Variants in DCAF6 observed in about 807,000 individuals in gnomAD.
The protein encoded by DCAF6 is DDB1- and CUL4-associated factor 6.
A neutral mutation model predicts 125.1 loss-of-function variants in DCAF6; 54 were observed. That is an observed-to-expected ratio of 0.43 (90% CI 0.35 to 0.54). The LOEUF is 0.54. Ranked by LOEUF, DCAF6 falls within the 20% of genes least tolerant of loss-of-function variation. The probability of loss-of-function intolerance (pLI) is 0.01; values close to 1 mark genes in which losing one functional copy is unlikely to be tolerated. For missense variants in DCAF6, 934 were observed against 1,161.7 expected (o/e 0.80, Z 2.85); for synonymous variants, 371 against 390.4 (o/e 0.95, Z 0.58).
In DCAF6 at chr1:168,004,841, A is replaced by G; in HGVS notation, c.1378+48A>G. On this transcript the variant is annotated intron_variant, in intron 10 of 21. Coordinates refer to ENST00000367840, the MANE Select transcript of DCAF6 (RefSeq NM_001198956.2). Reference sequence around the variant, plus strand: ...TCATCTAATGATTTTTGATAGTGAAAATTTCTTTACTGGCTATTTTGAAAG... The same window carrying G: ...TCATCTAATGATTTTTGATAGTGAAGATTTCTTTACTGGCTATTTTGAAAG... The G allele has an allele frequency of 3.2e-6, 5 of 1,577,622 alleles. No individual in the cohort carries two copies. The South Asian group carries it at 4.7e-5, about 15-fold the overall frequency.
At chr1:167,874,660 T>C in the DCAF6 span, among the ~76,000 whole-genome samples, 1 of 152,162 alleles carries the variant, frequency 6.6e-6, no homozygotes, top group Non-Finnish European at 1.5e-5. Context: ...AAAAGACTTG[T>C]GTAAGAATGT....
chr1:168,037,158 G>T (rs1572043258), intron 12 of DCAF6, among the ~76,000 whole-genome samples: 1 of 136,194 alleles, frequency 7.3e-6, no homozygotes, highest in East Asian at 2.2e-4. Flanking sequence ...TCGAACTCCT[G>T]GGCTTAAGGG....
intron 3 of DCAF6, among the ~76,000 whole-genome samples, chr1:167,972,617 T>C (rs1232306966): frequency 6.6e-6 from 1 of 152,124 alleles, no homozygotes; most frequent in South Asian, 2.1e-4. Context: ...GATAATGACA[T>C]TGGAGTTGGT....
the DCAF6 span, among the ~76,000 whole-genome samples, chr1:167,881,475 A>G: frequency 2.0e-5 from 3 of 152,224 alleles, no homozygotes; most frequent in South Asian, 2.1e-4. Flanking sequence ...ATCTGCCTTG[A>G]CATGAAGGGG....
chr1:167,959,870 A>G lies in DCAF6; in HGVS notation c.160-6759A>G, dbSNP rs139268768. Among the ~76,000 whole-genome samples, 80 of 152,230 alleles carry G rather than the reference A, an allele frequency of 5.3e-4. No individual in the cohort carries two copies. The East Asian group carries it at 0.014, about 27-fold the overall frequency. On this transcript the variant is annotated intron_variant, in intron 2 of 21. Coordinates refer to ENST00000367840, the MANE Select transcript of DCAF6 (RefSeq NM_001198956.2). ...GGAAGTTTTTAATTTTAATGAAGTC[A>G]GTCTTATCAATGATTTCTTTTATGG...
Position 167,936,850 on chromosome 1 carries a change from C to T in DCAF6, c.-62C>T. On this transcript the variant is annotated 5_prime_UTR_variant, in exon 1 of 22. Transcript: ENST00000367840. ...CGGCTCGGGTGTTGAAACGGGTGTC[C>T]CCTCCCCCTCCTCCCCTCCCCCACG... The T allele has an allele frequency of 2.2e-6, 3 of 1,370,554 alleles. No individual in the cohort carries two copies. The highest frequency in any genetic ancestry group is 3.0e-6 in the Non-Finnish European group (3 of 987,064). The allele number at this position is 1,370,554 out of a possible 1,614,324, so 84.9% of individuals were successfully genotyped here. A position where few individuals can be genotyped will look rare whatever the true frequency, so the allele number is the denominator to read the frequency against.
intron 21 of DCAF6, among the ~76,000 whole-genome samples, chr1:168,073,202 A>C (rs776298525): frequency 5.9e-5 from 9 of 151,928 alleles, no homozygotes; most frequent in Non-Finnish European, 8.8e-5. Flanking sequence ...AAAGAAAAAC[A>C]GTATACATAG....
intron 2 of DCAF6, among the ~76,000 whole-genome samples, chr1:167,962,434 T>TAG (rs1675757282): frequency 6.6e-6 from 1 of 152,100 alleles, no homozygotes; most frequent in South Asian, 2.1e-4. Context: ...CTGACCTCTT[T>TAG]ATCGTTATGA....
At chr1:167,885,620 C>T in the DCAF6 span, among the ~76,000 whole-genome samples, 7 of 151,918 alleles carry the variant, frequency 4.6e-5, no homozygotes, top group Non-Finnish European at 7.4e-5. Flanking sequence ...ATGTCTATTT[C>T]GATCTTTTTT....
intron 10 of DCAF6, among the ~76,000 whole-genome samples, chr1:168,014,623 C>T (rs929600802): frequency 6.6e-6 from 1 of 152,174 alleles, no homozygotes. Context: ...TGTTCCCTGC[C>T]GTAATAAATT....
At chr1:167,868,722 G>A in the DCAF6 span, among the ~76,000 whole-genome samples, 1 of 152,160 alleles carries the variant, frequency 6.6e-6, no homozygotes, top group African/African-American at 2.4e-5. Context: ...TATGCTTTCC[G>A]CGAAAAGCGA....
the DCAF6 span, among the ~76,000 whole-genome samples, chr1:167,897,717 C>T: frequency 0.5 from 1 of 2 alleles, no homozygotes; most frequent in African/African-American, 0.5. Context: ...TCAACAAGGC[C>T]GGGCGCCAGG....
At chr1:167,991,166 A>T (rs201922591) in intron 5 of DCAF6, 38 bp from the exon 6 acceptor site, 1 of 1,551,526 alleles carries the variant, frequency 6.4e-7, no homozygotes, top group Non-Finnish European at 8.8e-7. Context: ...CCTCTGCTGT[A>T]TAACTATATG....
chr1:168,046,315 A>C (rs1451427826), intron 16 of DCAF6, among the ~76,000 whole-genome samples: 1 of 152,180 alleles, frequency 6.6e-6, no homozygotes, highest in African/African-American at 2.4e-5. Flanking sequence ...GCTGTATTAA[A>C]CAATCAAGAT....
intron 2 of DCAF6, among the ~76,000 whole-genome samples, chr1:167,953,456 C>T (rs1447885046): frequency 2.0e-5 from 3 of 152,062 alleles, no homozygotes; most frequent in Admixed American, 1.3e-4. Flanking sequence ...ACACTTTTGC[C>T]CCCCTGCCTT....
the DCAF6 span, among the ~76,000 whole-genome samples, chr1:167,869,654 G>C: frequency 6.6e-6 from 1 of 152,016 alleles, no homozygotes; most frequent in Non-Finnish European, 1.5e-5. Context: ...GAAATCTCTC[G>C]TTCTGTTCTG....
intron 10 of DCAF6, among the ~76,000 whole-genome samples, chr1:168,008,224 C>T (rs1281464382): frequency 6.6e-6 from 1 of 152,050 alleles, no homozygotes; most frequent in Admixed American, 6.5e-5. Flanking sequence ...CCGCCTCGGC[C>T]TCCCAAAATG....
At chr1:167,923,485 T>A in the DCAF6 span, among the ~76,000 whole-genome samples, 17 of 152,076 alleles carry the variant, frequency 1.1e-4, no homozygotes, top group African/African-American at 4.1e-4. Context: ...CATGAGGTAC[T>A]TAGAGTAGTG....
chr1:167,947,301 T>A (rs1039986601), intron 1 of DCAF6, among the ~76,000 whole-genome samples: 1 of 151,958 alleles, frequency 6.6e-6, no homozygotes, highest in Admixed American at 6.6e-5. Context: ...ATTTTTTTTA[T>A]CTCTTTGAGG....
Sources: allele counts gnomAD v4.1 joint callset (sites outside exome capture counted in the v4.1 genomes callset), GRCh38; gene constraint gnomAD v4.1.1; transcripts MANE v1.5; gene names NCBI Gene and HGNC (gene_info 2026-07-23, HGNC 2026-07-21).